TRPC4: variants seen among roughly 807,000 people sequenced by gnomAD.
TRPC4 encodes the protein transient receptor potential cation channel subfamily C member 4.
Under a neutral mutation model 99.4 loss-of-function variants are expected in TRPC4, and 49 were observed. The ratio of observed to expected loss-of-function variants is 0.49; its 90% CI spans 0.39 to 0.63. The LOEUF is 0.63. Ranked by LOEUF, TRPC4 falls within the 20% of genes least tolerant of loss-of-function variation. TRPC4 has a pLI of 0.00. For synonymous variants in TRPC4, 454 were observed against 425.9 expected (o/e 1.07, Z -0.81); for missense variants, 898 against 1,152.9 (o/e 0.78, Z 3.20).
At chr13:37,674,079 C>A in intron 5 of TRPC4, 149 bp downstream of exon 5, 1 of 646,552 alleles carries the variant, frequency 1.5e-6, no homozygotes, top group Non-Finnish European at 2.3e-6. Context: ...TATTTTTATC[C>A]CTATATATCT....
intron 3 of TRPC4, among the ~76,000 whole-genome samples, chr13:37,693,521 C>T (rs1356244362): frequency 6.6e-6 from 1 of 152,220 alleles, no homozygotes; most frequent in Non-Finnish European, 1.5e-5. Flanking sequence ...CACCCAACTC[C>T]ACATTTCCCA....
chr13:37,800,955 G>A (rs561872895), intron 1 of TRPC4, among the ~76,000 whole-genome samples: 8 of 151,700 alleles, frequency 5.3e-5, no homozygotes, highest in South Asian at 2.1e-4. Context: ...AAACATTTTC[G>A]ATATTTCAAA....
intron 1 of TRPC4, among the ~76,000 whole-genome samples, chr13:37,811,752 GA>G (rs1302995133): frequency 6.6e-6 from 1 of 152,038 alleles, no homozygotes; most frequent in East Asian, 1.9e-4. Flanking sequence ...TTCCAAAACG[GA>G]AAAACCAAAT....
chr13:37,670,646 C>A (rs1952807303), intron 5 of TRPC4, among the ~76,000 whole-genome samples: 1 of 152,178 alleles, frequency 6.6e-6, no homozygotes, highest in Non-Finnish European at 1.5e-5. Flanking sequence ...CTCCTATGTT[C>A]ACTGCTCTAT....
chr13:37,667,415 T>A (rs1952681379), intron 5 of TRPC4, among the ~76,000 whole-genome samples: 1 of 152,162 alleles, frequency 6.6e-6, no homozygotes, highest in Admixed American at 6.5e-5. Flanking sequence ...CAAGCACTTC[T>A]CCTACCTCAG....
intron 2 of TRPC4, among the ~76,000 whole-genome samples, chr13:37,754,295 C>T (rs1182705764): frequency 2.0e-5 from 3 of 152,110 alleles, no homozygotes; most frequent in Non-Finnish European, 2.9e-5. Flanking sequence ...GTGAAGAGGA[C>T]ATTTTCCTAA....
At chr13:37,798,878 A>C (rs1199926871) in intron 1 of TRPC4, among the ~76,000 whole-genome samples, 6 of 151,838 alleles carry the variant, frequency 4.0e-5, no homozygotes, top group African/African-American at 9.7e-5. Context: ...TATCTTCTTT[A>C]GTATTTTGTA....
At chr13:37,653,691 C>A (rs1260600460) in intron 7 of TRPC4, among the ~76,000 whole-genome samples, 1 of 152,048 alleles carries the variant, frequency 6.6e-6, no homozygotes, top group Admixed American at 6.6e-5. Flanking sequence ...GAAAAGCACA[C>A]CTCACAAAGA....
intron 1 of TRPC4, among the ~76,000 whole-genome samples, chr13:37,802,741 A>T (rs1957434100): frequency 6.6e-6 from 1 of 152,162 alleles, no homozygotes; most frequent in East Asian, 1.9e-4. Flanking sequence ...TTTATTAAAA[A>T]GTTTTTAGAC....
intron 1 of TRPC4, among the ~76,000 whole-genome samples, chr13:37,840,396 A>C (rs1187772936): frequency 2.0e-5 from 3 of 152,118 alleles, no homozygotes; most frequent in Non-Finnish European, 4.4e-5. Flanking sequence ...ATAACTATAA[A>C]GGATAATCTT....
At chr13:37,812,170 C>A in intron 1 of TRPC4, among the ~76,000 whole-genome samples, 1 of 19,404 alleles carries the variant, frequency 5.2e-5, no homozygotes, top group Admixed American at 6.7e-4. Context: ...CAGACTGAGA[C>A]TCTATCAAAA....
intron 3 of TRPC4, among the ~76,000 whole-genome samples, chr13:37,695,163 C>G (rs1202956097): frequency 6.6e-6 from 1 of 151,846 alleles, no homozygotes; most frequent in Non-Finnish European, 1.5e-5. Context: ...TGACTACCTC[C>G]CTCTCTTCCT....
chr13:37,670,274 C>T (rs993907168), intron 5 of TRPC4, among the ~76,000 whole-genome samples: 2 of 152,098 alleles, frequency 1.3e-5, no homozygotes, highest in African/African-American at 4.8e-5. Flanking sequence ...CAAGGCTGGC[C>T]CCTATGACAG....
intron 4 of TRPC4, among the ~76,000 whole-genome samples, chr13:37,689,019 T>A (rs371861711): frequency 1.3e-5 from 2 of 152,248 alleles, no homozygotes; most frequent in East Asian, 1.9e-4. Context: ...CTGTGCATTT[T>A]TATATATATT....
chr13:37,752,728 G>A (rs1955968936), intron 2 of TRPC4, among the ~76,000 whole-genome samples: 1 of 151,764 alleles, frequency 6.6e-6, no homozygotes, highest in Admixed American at 6.6e-5. Context: ...TTCCCTAGAT[G>A]GCTGGTACAT....
intron 1 of TRPC4, among the ~76,000 whole-genome samples, chr13:37,806,299 A>T (rs1957528856): frequency 6.6e-6 from 1 of 152,034 alleles, no homozygotes. Flanking sequence ...TCTTTGATAC[A>T]TCGAACTATT....
At chr13:37,846,441 G>C (rs1021289152) in intron 1 of TRPC4, among the ~76,000 whole-genome samples, 1 of 151,990 alleles carries the variant, frequency 6.6e-6, no homozygotes, top group Non-Finnish European at 1.5e-5. Flanking sequence ...TTAATAAAAA[G>C]TATGTGTGGG....
chr13:37,745,448 A>G (rs377012493), intron 3 of TRPC4, among the ~76,000 whole-genome samples: 1 of 2,920 alleles, frequency 3.4e-4, no homozygotes, highest in African/African-American at 5.9e-4. Context: ...ATATATATAT[A>G]TATATATATA....
intron 3 of TRPC4, among the ~76,000 whole-genome samples, chr13:37,696,915 T>TC (rs1555258894): frequency 8.5e-6 from 1 of 117,216 alleles, no homozygotes; most frequent in Non-Finnish European, 1.8e-5. Flanking sequence ...AGCTGAAACA[T>TC]CTTTTTTTTT....
Sources: gnomAD v4.1 joint callset for allele counts (sites outside exome capture counted in the v4.1 genomes callset) on GRCh38, gnomAD v4.1.1 for gene constraint, MANE v1.5 for transcripts, NCBI Gene and HGNC (gene_info 2026-07-23, HGNC 2026-07-21) for gene names.